The following PKP4 variants were observed in gnomAD, a reference collection of about 807,000 sequenced individuals.
PKP4 encodes plakophilin 4.
A neutral mutation model predicts 145.1 loss-of-function variants in PKP4; 90 were observed. The ratio of observed to expected loss-of-function variants is 0.62; its 90% CI spans 0.52 to 0.74. The LOEUF is 0.74. Ranked by LOEUF, PKP4 falls within the 30% of genes least tolerant of loss-of-function variation. The pLI is 0.00. For missense variants in PKP4, 1,340 were observed against 1,482.7 expected (o/e 0.90, Z 1.58); for synonymous variants, 563 against 577.2 (o/e 0.98, Z 0.35).
At chr2:158,672,794 C>A (rs982578390) in intron 17 of PKP4, among the ~76,000 whole-genome samples, 4 of 152,150 alleles carry the variant, frequency 2.6e-5, no homozygotes, top group African/African-American at 9.7e-5. Flanking sequence ...AGTAGCTCAC[C>A]ACCTGCTCCC....
chr2:158,606,564 A>T (rs915316129), intron 4 of PKP4, among the ~76,000 whole-genome samples: 1 of 152,216 alleles, frequency 6.6e-6, no homozygotes, highest in Admixed American at 6.5e-5. Flanking sequence ...GAAAATATTT[A>T]AAAAGTACAA....
chr2:158,649,247 T>C (rs2055120232), intron 11 of PKP4, among the ~76,000 whole-genome samples: 1 of 152,106 alleles, frequency 6.6e-6, no homozygotes, highest in East Asian at 1.9e-4. Flanking sequence ...AGCAGGCAAG[T>C]CTCCAGGCTG....
intron 15 of PKP4, 87 bp downstream of exon 15, chr2:158,663,532 A>T: frequency 8.6e-7 from 1 of 1,168,192 alleles, no homozygotes; most frequent in Non-Finnish European, 1.2e-6. Flanking sequence ...CCTCAGTCAG[A>T]TCAGCCCTGA....
At chr2:158,549,888 A>G (rs974630092) in intron 2 of PKP4, among the ~76,000 whole-genome samples, 1 of 152,212 alleles carries the variant, frequency 6.6e-6, no homozygotes, top group Non-Finnish European at 1.5e-5. Flanking sequence ...CAAAACATTT[A>G]GGTTGTGAAA....
intron 1 of PKP4, among the ~76,000 whole-genome samples, chr2:158,519,452 G>C (rs1226461814): frequency 6.6e-6 from 1 of 152,126 alleles, no homozygotes; most frequent in Non-Finnish European, 1.5e-5. Context: ...AAATGCTTGG[G>C]CACTTGCAGG....
At chr2:158,528,175 GACACATGC>G (rs2043133651) in intron 1 of PKP4, among the ~76,000 whole-genome samples, 5 of 145,264 alleles carry the variant, frequency 3.4e-5, no homozygotes, top group Admixed American at 2.8e-4. Context: ...CTGCTATAAA[GACACATGC>G]ACACGTATGT....
chr2:158,611,493 A>G (rs549840261), intron 4 of PKP4, among the ~76,000 whole-genome samples: 1 of 152,352 alleles, frequency 6.6e-6, no homozygotes, highest in Admixed American at 6.5e-5. Context: ...ATAAATGACA[A>G]ATGAGAAAGT....
intron 1 of PKP4, among the ~76,000 whole-genome samples, chr2:158,525,576 A>C (rs2042839988): frequency 1.6e-5 from 1 of 64,470 alleles, no homozygotes; most frequent in East Asian, 5.9e-4. Flanking sequence ...TAAAAGAACT[A>C]GAAAAGCAAG....
At chr2:158,575,248 TAGAG>T (rs1273685013) in intron 2 of PKP4, among the ~76,000 whole-genome samples, 6 of 152,220 alleles carry the variant, frequency 3.9e-5, no homozygotes, top group South Asian at 2.1e-4. Flanking sequence ...AAGAAGGCAA[TAGAG>T]AGAGAAAACA....
chr2:158,497,257 A>T (rs949575873), intron 1 of PKP4, among the ~76,000 whole-genome samples: 2 of 152,232 alleles, frequency 1.3e-5, no homozygotes, highest in African/African-American at 4.8e-5. Flanking sequence ...ATGTATTTTT[A>T]AATGACTAGA....
chr2:158,666,756 G>C (rs2057124230), intron 16 of PKP4, 193 bp downstream of exon 16: 3 of 457,314 alleles, frequency 6.6e-6, no homozygotes, highest in Non-Finnish European at 7.5e-6. Flanking sequence ...TCATTAATTA[G>C]TCATTGATTA....
chr2:158,652,808 T>C (rs2055505361), intron 11 of PKP4, among the ~76,000 whole-genome samples: 1 of 152,188 alleles, frequency 6.6e-6, no homozygotes, highest in African/African-American at 2.4e-5. Flanking sequence ...TGTTAGCCAC[T>C]GGTCATGACA....
At chr2:158,578,009 A>G (rs2048006310) in intron 3 of PKP4, among the ~76,000 whole-genome samples, 1 of 152,184 alleles carries the variant, frequency 6.6e-6, no homozygotes, top group Non-Finnish European at 1.5e-5. Flanking sequence ...TATCCTATCT[A>G]TAGATTTCTT....
intron 3 of PKP4, among the ~76,000 whole-genome samples, chr2:158,587,384 T>G (rs2105809014): frequency 6.6e-6 from 1 of 152,220 alleles, no homozygotes; most frequent in Non-Finnish European, 1.5e-5. Flanking sequence ...TATTTAACAG[T>G]ATTGAATTAT....
At chr2:158,629,361 C>T (rs1385906698) in intron 7 of PKP4, among the ~76,000 whole-genome samples, 4 of 152,174 alleles carry the variant, frequency 2.6e-5, no homozygotes, top group African/African-American at 9.7e-5. Flanking sequence ...TTCCTGTCAG[C>T]TCGGCAAGGA....
At chr2:158,555,870 G>C (rs1376757131) in intron 2 of PKP4, among the ~76,000 whole-genome samples, 3 of 152,094 alleles carry the variant, frequency 2.0e-5, no homozygotes, top group Non-Finnish European at 1.5e-5. Context: ...TGAGTTAATA[G>C]GCCAAGTCCA....
chr2:158,494,218 A>T (rs1695353473), intron 1 of PKP4, among the ~76,000 whole-genome samples: 1 of 152,186 alleles, frequency 6.6e-6, no homozygotes, highest in Admixed American at 6.5e-5. Flanking sequence ...ACTCTAGGAC[A>T]GCAGAGTATA....
chr2:158,482,395 T>G (rs1693497685), intron 1 of PKP4, among the ~76,000 whole-genome samples: 1 of 152,194 alleles, frequency 6.6e-6, no homozygotes, highest in African/African-American at 2.4e-5. Flanking sequence ...GTGATCCTCC[T>G]GCTTCAGCCT....
At chr2:158,580,869 C>G (rs1457150448) in intron 3 of PKP4, among the ~76,000 whole-genome samples, 4 of 152,172 alleles carry the variant, frequency 2.6e-5, no homozygotes, top group Non-Finnish European at 2.9e-5. Context: ...GGAAAAGTCA[C>G]CTCCCTCATC....
Sources: gnomAD v4.1 joint callset for allele counts (sites outside exome capture counted in the v4.1 genomes callset) on GRCh38, gnomAD v4.1.1 for gene constraint, MANE v1.5 for transcripts, NCBI Gene and HGNC (gene_info 2026-07-23, HGNC 2026-07-21) for gene names.